The following FMN1 variants were observed in gnomAD, a reference collection of about 807,000 sequenced individuals.
FMN1 encodes formin 1.
FMN1 carries 110 observed loss-of-function variants against 132.4 expected under a neutral mutation model. The ratio of observed to expected loss-of-function variants is 0.83; its 90% CI spans 0.71 to 0.97. The LOEUF (loss-of-function observed/expected upper bound fraction) is 0.97, where lower values mean the gene tolerates loss of function less well. FMN1 is among the 50% of genes least tolerant of loss of function. FMN1 has a pLI of 0.00. For missense variants in FMN1, 1,792 were observed against 1,705.3 expected, an observed-to-expected ratio of 1.05 and a Z score of -0.90; for synonymous variants, 722 against 651.7, an observed-to-expected ratio of 1.11 and a Z score of -1.64.
Position 33,020,666 on chromosome 15 carries a change from CTTAG to C in FMN1, c.2162-12595_2162-12592del, listed in dbSNP as rs201180727. Among the ~76,000 whole-genome samples, 1,108 of 150,146 alleles carry C rather than the reference CTTAG, an allele frequency of 7.4e-3. 11 individuals are homozygous for C. The highest frequency in any genetic ancestry group is 0.025 in the African/African-American group (1,005 of 40,866). On this transcript the variant is annotated intron_variant, in intron 6 of 20. Coordinates refer to ENST00000616417, the MANE Select transcript of FMN1 (RefSeq NM_001277313.2). ...AAAAAAAAAAAAAAAAGACACTATG[CTTAG>C]TTAGCCTCTTTCATGCATGTGCTCA...
At chr15:32,884,348 C>A (rs1161084659) in intron 16 of FMN1, among the ~76,000 whole-genome samples, 1 of 152,158 alleles carries the variant, frequency 6.6e-6, no homozygotes, top group African/African-American at 2.4e-5. Flanking sequence ...CGGCCCACTT[C>A]CTCCATCTTC....
At chr15:33,080,345 C>T (rs1566897511) in intron 5 of FMN1, among the ~76,000 whole-genome samples, 2 of 152,294 alleles carry the variant, frequency 1.3e-5, no homozygotes, top group South Asian at 2.1e-4. Flanking sequence ...GCTGGTGTTC[C>T]CGTAACTGAG....
intron 4 of FMN1, among the ~76,000 whole-genome samples, chr15:33,124,204 AG>A (rs1442442597): frequency 6.6e-6 from 1 of 152,230 alleles, no homozygotes. Context: ...GCTTTTCAAA[AG>A]AAAAGTGAGG....
intron 17 of FMN1, among the ~76,000 whole-genome samples, chr15:32,806,789 T>C (rs1258746348): frequency 6.6e-6 from 1 of 152,220 alleles, no homozygotes; most frequent in Non-Finnish European, 1.5e-5. Flanking sequence ...GCTCCCTCAC[T>C]GCATTGAGGT....
intron 9 of FMN1, among the ~76,000 whole-genome samples, chr15:32,960,989 C>T (rs1242938552): frequency 3.9e-5 from 4 of 102,646 alleles, no homozygotes; most frequent in African/African-American, 1.4e-4. Context: ...GAGTGAGACT[C>T]CGTCTCAAAA....
At chr15:32,941,856 G>C (rs571576761) in intron 9 of FMN1, among the ~76,000 whole-genome samples, 1 of 152,064 alleles carries the variant, frequency 6.6e-6, no homozygotes, top group Non-Finnish European at 1.5e-5. Context: ...ATATCAGATT[G>C]TTAAAAATCA....
chr15:32,958,019 A>G (rs1420623396), intron 9 of FMN1, among the ~76,000 whole-genome samples: 1 of 152,104 alleles, frequency 6.6e-6, no homozygotes, highest in East Asian at 1.9e-4. Context: ...ATTAGTAATA[A>G]ATTTATTTTA....
chr15:32,956,147 C>T (rs2061762856), intron 9 of FMN1, among the ~76,000 whole-genome samples: 1 of 152,052 alleles, frequency 6.6e-6, no homozygotes, highest in Non-Finnish European at 1.5e-5. Context: ...ATCCATGCAA[C>T]TTTTATCTTT....
At chr15:32,894,930 A>G (rs2060118871) in intron 15 of FMN1, among the ~76,000 whole-genome samples, 1 of 152,188 alleles carries the variant, frequency 6.6e-6, no homozygotes, top group Admixed American at 6.5e-5. Context: ...TTAAAAGCAG[A>G]TCAAAATTAT....
chr15:33,121,516 G>C (rs867340801), intron 4 of FMN1, among the ~76,000 whole-genome samples: 3 of 152,064 alleles, frequency 2.0e-5, no homozygotes, highest in Admixed American at 6.6e-5. Context: ...GTACATAGTT[G>C]ACAAGTTGGT....
At chr15:33,083,723 G>A (rs1430809198) in intron 5 of FMN1, among the ~76,000 whole-genome samples, 1 of 152,106 alleles carries the variant, frequency 6.6e-6, no homozygotes, top group African/African-American at 2.4e-5. Flanking sequence ...GTAAAATAAG[G>A]CTGAGACCTG....
At chr15:33,032,086 G>C (rs2035964887) in intron 6 of FMN1, among the ~76,000 whole-genome samples, 1 of 152,302 alleles carries the variant, frequency 6.6e-6, no homozygotes, top group South Asian at 2.1e-4. Context: ...CTACGAACCA[G>C]GAATTGTGCT....
intron 17 of FMN1, among the ~76,000 whole-genome samples, chr15:32,828,916 A>AT: frequency 6.6e-6 from 1 of 152,318 alleles, no homozygotes; most frequent in Non-Finnish European, 1.5e-5. Flanking sequence ...GTAAAATATA[A>AT]TATTTCCTGG....
intron 13 of FMN1, among the ~76,000 whole-genome samples, chr15:32,901,586 T>C (rs1432223195): frequency 2.0e-5 from 3 of 152,212 alleles, no homozygotes; most frequent in Non-Finnish European, 4.4e-5. Context: ...GCAATCCAAA[T>C]TGTAAAATAA....
intron 17 of FMN1, among the ~76,000 whole-genome samples, chr15:32,835,535 C>T (rs1273154038): frequency 6.6e-6 from 1 of 152,142 alleles, no homozygotes; most frequent in Non-Finnish European, 1.5e-5. Context: ...TAAGTTGCAA[C>T]CTCAAAAACT....
chr15:32,873,125 A>G (rs1312008582), intron 16 of FMN1, among the ~76,000 whole-genome samples: 1 of 152,212 alleles, frequency 6.6e-6, no homozygotes, highest in Non-Finnish European at 1.5e-5. Context: ...ATCCTATTCC[A>G]GCTAAAATAT....
chr15:33,128,625 T>A (rs960879047), intron 4 of FMN1, among the ~76,000 whole-genome samples: 1 of 152,224 alleles, frequency 6.6e-6, no homozygotes, highest in Non-Finnish European at 1.5e-5. Context: ...TTGCGGCAAG[T>A]GTTACAGCTC....
intron 19 of FMN1, among the ~76,000 whole-genome samples, chr15:32,792,611 T>C (rs1226498587): frequency 6.6e-6 from 1 of 152,178 alleles, no homozygotes; most frequent in Admixed American, 6.5e-5. Flanking sequence ...CATGAGTCTT[T>C]AGCAGGGACA....
intron 17 of FMN1, among the ~76,000 whole-genome samples, chr15:32,815,591 A>C (rs1247259343): frequency 6.6e-6 from 1 of 152,236 alleles, no homozygotes; most frequent in Non-Finnish European, 1.5e-5. Flanking sequence ...GTTTAAAAAC[A>C]AGCTAAGTTA....
Sources: gnomAD v4.1 joint callset for allele counts (sites outside exome capture counted in the v4.1 genomes callset) on GRCh38, gnomAD v4.1.1 for gene constraint, MANE v1.5 for transcripts, NCBI Gene and HGNC (gene_info 2026-07-23, HGNC 2026-07-21) for gene names.